STK10: variants seen among roughly 807,000 people sequenced by gnomAD.
STK10 encodes serine/threonine kinase 10.
Under a neutral mutation model 113.8 loss-of-function variants are expected in STK10, and 78 were observed. The observed-to-expected ratio is 0.69, with a 90% CI of 0.57 to 0.83. STK10 has a LOEUF of 0.83. Among genes scored for constraint, STK10 ranks in the 40% least tolerant of loss-of-function variants. The pLI is 0.00. For missense variants in STK10, 1,109 were observed against 1,280.1 expected, an observed-to-expected ratio of 0.87 and a Z score of 2.04; for synonymous variants, 465 against 494.7, an observed-to-expected ratio of 0.94 and a Z score of 0.80.
intron 2 of STK10, among the ~76,000 whole-genome samples, chr5:172,147,268 T>C (rs1020326498): frequency 6.6e-6 from 1 of 152,164 alleles, no homozygotes; most frequent in African/African-American, 2.4e-5. Flanking sequence ...CTGAACCCTA[T>C]CCTCTTGGGA....
rs971736536 is a variant in STK10 at position 172,108,674 on chromosome 5, A to G, written c.521-822T>C. On this transcript the variant is annotated intron_variant, in intron 4 of 18. Coordinates refer to ENST00000176763, the MANE Select transcript of STK10 (RefSeq NM_005990.4). ...GTGGCATGTCCCTGCAGTCCCAATT[A>G]CTTGGGAGGCTGAGGTGGGAGAATC... is the stretch of plus-strand genomic sequence containing the variant. Among the ~76,000 whole-genome samples the G allele has an allele frequency of 3.3e-4, 50 of 151,566 alleles. 1 individual carries two copies. Among genetic ancestry groups the G allele is most frequent in the South Asian group, 6.2e-4 (3 of 4,824 alleles).
intron 18 of STK10, chr5:172,045,532 C>A (rs1767479246): frequency 2.3e-6 from 1 of 430,136 alleles, no homozygotes; most frequent in Admixed American, 2.6e-5. Flanking sequence ...TTTGCCTAAA[C>A]CCAGAGGTTC....
intron 14 of STK10, 69 bp from the exon 15 acceptor site, chr5:172,057,542 C>CA: frequency 6.6e-7 from 1 of 1,515,896 alleles, no homozygotes; most frequent in South Asian, 1.2e-5. Flanking sequence ...CCCTGCCCCC[C>CA]ACCTCTGCCT....
intron 15 of STK10, among the ~76,000 whole-genome samples, chr5:172,056,742 CA>C (rs1223860568): frequency 6.6e-6 from 1 of 151,102 alleles, no homozygotes; most frequent in Non-Finnish European, 1.5e-5. Flanking sequence ...GGCATGGTGG[CA>C]AGCACCTGTA....
At chr5:172,131,325 C>T (rs897712455) in intron 2 of STK10, among the ~76,000 whole-genome samples, 2 of 152,176 alleles carry the variant, frequency 1.3e-5, no homozygotes, top group African/African-American at 2.4e-5. Context: ...TGAGCCCCCG[C>T]GCCTGGCCTG....
At chr5:172,142,654 G>A (rs1296595488) in intron 2 of STK10, among the ~76,000 whole-genome samples, 5 of 152,254 alleles carry the variant, frequency 3.3e-5, no homozygotes, top group Non-Finnish European at 7.3e-5. Flanking sequence ...TGAGGATTAA[G>A]TAGGATAATG....
intron 12 of STK10, among the ~76,000 whole-genome samples, chr5:172,066,730 G>C (rs549258636): frequency 5.3e-5 from 8 of 152,294 alleles, no homozygotes; most frequent in African/African-American, 1.7e-4. Context: ...AGGTTGCAGT[G>C]AGCCGAGATC....
intron 12 of STK10, among the ~76,000 whole-genome samples, chr5:172,077,748 TG>T (rs1329483558): frequency 7.1e-6 from 1 of 140,986 alleles, no homozygotes; most frequent in Admixed American, 6.8e-5. Flanking sequence ...CAAATCTTAT[TG>T]GTTTTTTTTT....
In STK10 at chr5:172,082,933, G is replaced by C. The variant is rs73801843; in HGVS notation, c.1809+28C>G. Reference sequence around the variant, plus strand: ...AGAACACCTGGAGGCAAGAAGCCCTGCAGGGTCCCATCTTTTCTCGCACTC... The same window carrying C: ...AGAACACCTGGAGGCAAGAAGCCCTCCAGGGTCCCATCTTTTCTCGCACTC... On this transcript the variant is annotated intron_variant, in intron 11 of 18. Coordinates refer to ENST00000176763, the MANE Select transcript of STK10 (RefSeq NM_005990.4). The surrounding 1 kb of genome is among the most constrained non-coding windows in gnomAD (Gnocchi z 4.3). 7.7e-3 allele frequency: 12,408 copies of C among 1,610,834 alleles called. 820 individuals are homozygous for C. In the African/African-American group the frequency reaches 0.14, roughly 19 times the overall value.
Position 172,114,471 on chromosome 5 carries a change from A to ATTTTTTT in STK10, c.520+3009_520+3010insAAAAAAA, listed in dbSNP as rs1216558864. 73 of 38,394 alleles carry ATTTTTTT rather than the reference A, an allele frequency of 1.9e-3. 1 individual carries two copies. Among genetic ancestry groups the ATTTTTTT allele is most frequent in the Non-Finnish European group, 2.7e-3 (60 of 21,852 alleles). The allele number at this position is 38,394 out of a possible 1,614,324, so 2.4% of individuals were successfully genotyped here. On this transcript the variant is annotated intron_variant, in intron 4 of 18. Coordinates refer to ENST00000176763, the MANE Select transcript of STK10 (RefSeq NM_005990.4). Reference sequence around the variant, plus strand: ...AAATTATATATATATATATATATATATATTTTTTTTTTTTTTTTTTTTTTT... The same window carrying ATTTTTTT: ...AAATTATATATATATATATATATATATTTTTTTTATTTTTTTTTTTTTTTTTTTTTTT...
At chr5:172,134,303 G>A (rs915413429) in intron 2 of STK10, among the ~76,000 whole-genome samples, 2 of 152,170 alleles carry the variant, frequency 1.3e-5, no homozygotes, top group African/African-American at 4.8e-5. Flanking sequence ...TAGGATGTAT[G>A]ATCATCCTCA....
chr5:172,085,011 G>A (rs1009604028), intron 10 of STK10, among the ~76,000 whole-genome samples: 50 of 152,252 alleles, frequency 3.3e-4, no homozygotes, highest in African/African-American at 8.9e-4. Context: ...TTGGGAGGCC[G>A]AGTTGGGAGG....
intron 12 of STK10, among the ~76,000 whole-genome samples, chr5:172,075,954 A>T (rs1319315258): frequency 6.6e-6 from 1 of 152,048 alleles, no homozygotes. Flanking sequence ...ACATGCACTT[A>T]CCACCTGACC....
intron 2 of STK10, among the ~76,000 whole-genome samples, chr5:172,136,224 C>T (rs1278530009): frequency 1.3e-5 from 2 of 152,136 alleles, no homozygotes; most frequent in Non-Finnish European, 2.9e-5. Context: ...CCTAGAAACA[C>T]AACCTGGCAA....
chr5:172,082,418 C>A lies in STK10; in HGVS notation c.1897G>T (p.Val633Leu), dbSNP rs765203214. 3 of 1,611,886 alleles carry A rather than the reference C, an allele frequency of 1.9e-6. 1 individual carries two copies. In the South Asian group the frequency reaches 3.3e-5, roughly 18 times the overall value. Residue 633 changes from valine to leucine, a missense_variant, in exon 12 of 19, where the codon GTG (valine) becomes TTG (leucine). Physicochemically the swap from Val to Leu is conservative, Grantham distance 32 (BLOSUM62 1). Transcript: ENST00000176763. This position sits in a 1 kb window ranked among gnomAD's most constrained non-coding sequence, Gnocchi z 4.3. ...CGCCTGGCCTCCTCCCGGCGGCGCACGGCATGGTCTTGCTCCATCTTCTCC... is the reference window on the plus strand; with the variant it reads ...CGCCTGGCCTCCTCCCGGCGGCGCAAGGCATGGTCTTGCTCCATCTTCTCC... ...QVEKMEQDHAVRRREEARRIR... is the reference protein window; with the variant it reads ...QVEKMEQDHALRRREEARRIR...
intron 18 of STK10, among the ~76,000 whole-genome samples, chr5:172,049,041 C>A (rs549186249): frequency 6.6e-6 from 1 of 152,062 alleles, no homozygotes; most frequent in Admixed American, 6.5e-5. Flanking sequence ...TCTTCTTAGA[C>A]GACATCTTCC....
intron 2 of STK10, among the ~76,000 whole-genome samples, chr5:172,138,812 A>T (rs1769920695): frequency 6.6e-6 from 1 of 152,090 alleles, no homozygotes; most frequent in Non-Finnish European, 1.5e-5. Flanking sequence ...GGAGATCGAG[A>T]CCATCCTGGC....
intron 9 of STK10, among the ~76,000 whole-genome samples, chr5:172,090,866 C>T (rs184034346): frequency 1.4e-3 from 194 of 133,926 alleles, no homozygotes; most frequent in African/African-American, 4.8e-3. Context: ...ACCCAGGAGG[C>T]GGAGTTTGCA....
intron 3 of STK10, among the ~76,000 whole-genome samples, chr5:172,126,012 GA>G (rs1769611750): frequency 1.3e-5 from 2 of 152,168 alleles, no homozygotes; most frequent in Non-Finnish European, 2.9e-5. Context: ...GCTCCCTCCT[GA>G]GGTAAACTCA....
Sources: gnomAD v4.1 joint callset for allele counts (sites outside exome capture counted in the v4.1 genomes callset) on GRCh38, gnomAD v4.1.1 for gene constraint, Gnocchi (gnomAD v3.1) non-coding constraint, MANE v1.5 for transcripts, NCBI Gene and HGNC (gene_info 2026-07-23, HGNC 2026-07-21) for gene names.